The following ASNS variants were observed in gnomAD, a reference collection of about 807,000 sequenced individuals.
The protein encoded by ASNS is asparagine synthetase (glutamine-hydrolyzing), also known as asparagine synthetase [glutamine-hydrolyzing].
In ASNS, 37 loss-of-function variants were observed where a neutral mutation model predicts 62.6. The ratio of observed to expected loss-of-function variants is 0.59; its 90% CI spans 0.45 to 0.78. ASNS has a LOEUF of 0.78. Ranked by LOEUF, ASNS falls within the 30% of genes least tolerant of loss-of-function variation. The probability of loss-of-function intolerance (pLI) is 0.00; values close to 1 mark genes in which losing one functional copy is unlikely to be tolerated. For missense variants in ASNS, 520 were observed against 682.4 expected, an observed-to-expected ratio of 0.76 and a Z score of 2.65; for synonymous variants, 207 against 237.9, an observed-to-expected ratio of 0.87 and a Z score of 1.19.
the ASNS span, among the ~76,000 whole-genome samples, chr7:97,903,624 G>A: frequency 3.3e-5 from 5 of 152,302 alleles, no homozygotes; most frequent in Admixed American, 6.5e-5. Context: ...CTCTAGGAAA[G>A]AGAGATGGAC....
At chr7:97,886,363 G>A in the ASNS span, among the ~76,000 whole-genome samples, 7 of 151,988 alleles carry the variant, frequency 4.6e-5, no homozygotes, top group Admixed American at 2.0e-4. Context: ...TGGCCAGGAC[G>A]GTCTCAATCT....
At chr7:97,928,329 G>A in the ASNS span, 38 of 1,295,324 alleles carry the variant, frequency 2.9e-5, 1 homozygote, top group East Asian at 2.5e-4. Flanking sequence ...TGCATTTGGG[G>A]AAGAAGGACC....
intron 1 of ASNS, among the ~76,000 whole-genome samples, chr7:97,870,594 C>T (rs940146590): frequency 3.3e-5 from 5 of 152,214 alleles, no homozygotes; most frequent in African/African-American, 7.2e-5. Flanking sequence ...TATGCTGTCT[C>T]TTCCATGCAC....
the ASNS span, among the ~76,000 whole-genome samples, chr7:97,915,706 G>C: frequency 1.3e-5 from 2 of 151,996 alleles, no homozygotes; most frequent in African/African-American, 4.8e-5. Flanking sequence ...CAGGGAGAGG[G>C]AAAATCTTTC....
the ASNS span, among the ~76,000 whole-genome samples, chr7:97,892,398 A>T: frequency 6.6e-6 from 1 of 152,228 alleles, no homozygotes. Flanking sequence ...GGGGATTCAC[A>T]TTTGACTCTA....
chr7:97,900,893 T>C, the ASNS span, among the ~76,000 whole-genome samples: 1 of 152,104 alleles, frequency 6.6e-6, no homozygotes, highest in African/African-American at 2.4e-5. Context: ...AAGAACTGAC[T>C]TTCCTGTACT....
At chr7:97,922,686 C>T in the ASNS span, among the ~76,000 whole-genome samples, 1 of 152,178 alleles carries the variant, frequency 6.6e-6, no homozygotes, top group Non-Finnish European at 1.5e-5. Context: ...GTTGTACCCT[C>T]TTGTACATAA....
At chr7:97,918,504 A>G in the ASNS span, among the ~76,000 whole-genome samples, 4 of 152,250 alleles carry the variant, frequency 2.6e-5, no homozygotes, top group African/African-American at 9.6e-5. Flanking sequence ...TGGGAGAAGA[A>G]GGTGGTACCC....
At chr7:97,866,599 T>C (rs112780748) in intron 3 of ASNS, among the ~76,000 whole-genome samples, 1 of 152,226 alleles carries the variant, frequency 6.6e-6, no homozygotes, top group African/African-American at 2.4e-5. Context: ...GGTTTTTGGC[T>C]GACATTAGAG....
At chr7:97,915,470 C>T in the ASNS span, among the ~76,000 whole-genome samples, 1 of 152,166 alleles carries the variant, frequency 6.6e-6, no homozygotes, top group Admixed American at 6.5e-5. Flanking sequence ...AAATGAGAAT[C>T]ACGAACAGGC....
chr7:97,864,593 A>C (rs1791878244), intron 3 of ASNS, 97 bp from the exon 4 acceptor site: 3 of 837,320 alleles, frequency 3.6e-6, no homozygotes, highest in Non-Finnish European at 5.9e-6. Flanking sequence ...GAGCTCTATA[A>C]TCCTTTCATG....
chr7:97,888,322 C>CTT, the ASNS span, among the ~76,000 whole-genome samples: 1 of 148,040 alleles, frequency 6.8e-6, no homozygotes, highest in Non-Finnish European at 1.5e-5. Flanking sequence ...CAGTGGGTTG[C>CTT]TTTCTTTTTT....
At chr7:97,859,083 T>C in intron 5 of ASNS, 128 bp from the exon 6 acceptor site, 1 of 1,394,400 alleles carries the variant, frequency 7.2e-7, no homozygotes, top group Non-Finnish European at 9.8e-7. Context: ...TGCCAAATCT[T>C]AATGTGTTCC....
chr7:97,923,991 C>T, the ASNS span, among the ~76,000 whole-genome samples: 1 of 152,118 alleles, frequency 6.6e-6, no homozygotes, highest in African/African-American at 2.4e-5. Context: ...AAATGACAAC[C>T]TTAATGAAAT....
At chr7:97,871,503 T>TA (rs35467050) in intron 1 of ASNS, among the ~76,000 whole-genome samples, 39,447 of 150,330 alleles carry the variant, frequency 0.26, 5,298 homozygotes, top group East Asian at 0.33. Flanking sequence ...ATTTAAAATT[T>TA]AAAAAAAAAA....
the ASNS span, chr7:97,913,233 C>G: frequency 6.6e-6 from 1 of 152,346 alleles, no homozygotes; most frequent in Admixed American, 6.5e-5. Context: ...CTGGATCACT[C>G]AACTCTGCCA....
chr7:97,857,861 C>T (rs1027523469), intron 7 of ASNS, among the ~76,000 whole-genome samples: 2 of 151,892 alleles, frequency 1.3e-5, no homozygotes, highest in Admixed American at 6.6e-5. Flanking sequence ...TACAGGCATG[C>T]GTCACCAAGC....
upstream of ASNS, among the ~76,000 whole-genome samples, chr7:97,875,777 C>T (rs969231616): frequency 4.6e-5 from 7 of 152,180 alleles, no homozygotes; most frequent in African/African-American, 1.7e-4. Flanking sequence ...CATTTAAACA[C>T]AGTTACTTAT....
chr7:97,902,420 T>G, the ASNS span, among the ~76,000 whole-genome samples: 1 of 152,254 alleles, frequency 6.6e-6, no homozygotes, highest in East Asian at 1.9e-4. Flanking sequence ...TCTTACAAAC[T>G]GAACATACTG....
Sources: gnomAD v4.1 joint callset for allele counts (sites outside exome capture counted in the v4.1 genomes callset) on GRCh38, gnomAD v4.1.1 for gene constraint, MANE v1.5 for transcripts, NCBI Gene and HGNC (gene_info 2026-07-23, HGNC 2026-07-21) for gene names.